The following DACH2 variants were observed in gnomAD, a reference collection of about 807,000 sequenced individuals.
The protein encoded by DACH2 is dachshund homolog 2.
Under a neutral mutation model 35.8 loss-of-function variants are expected in DACH2, and 17 were observed. That is an observed-to-expected ratio of 0.48 (90% CI 0.33 to 0.71). The LOEUF (loss-of-function observed/expected upper bound fraction) is 0.71, where lower values mean the gene tolerates loss of function less well. Among genes scored for constraint, DACH2 ranks in the 30% least tolerant of loss-of-function variants. The pLI is 0.02. For synonymous variants in DACH2, 195 were observed against 177.3 expected (o/e 1.10, Z -0.79); for missense variants, 469 against 472.7 (o/e 0.99, Z 0.07).
rs764421310 is a variant in DACH2, at chrX:86,514,462, A to G, written c.640+71A>G. The G allele has an allele frequency of 1.4e-4, 126 of 933,153 alleles. No homozygotes were observed. In the East Asian group the frequency reaches 2.8e-3, roughly 20 times the overall value. 76.9% of individuals were successfully genotyped at this position (933,153 alleles called of 1,213,427 possible). On this transcript the variant is annotated intron_variant, in intron 3 of 11. Transcript: ENST00000373125. ...CAGCATTTGAAATAAACCAATATTG[A>G]TCTAACTGCCTTGTCCTTCAGAGCT...
chrX:86,820,863 A>T (rs1312933667), intron 11 of DACH2, among the ~76,000 whole-genome samples: 1 of 110,429 alleles, frequency 9.1e-6, no homozygotes. Flanking sequence ...CTAACCTAAA[A>T]CAACATTCCT....
chrX:86,572,042 A>G (rs368251133), intron 3 of DACH2, among the ~76,000 whole-genome samples: 7 of 111,035 alleles, frequency 6.3e-5, no homozygotes, highest in South Asian at 3.8e-4. Flanking sequence ...TCAAAGTTCA[A>G]TGAGAACACT....
intron 6 of DACH2, among the ~76,000 whole-genome samples, chrX:86,731,499 A>C (rs1402159532): frequency 8.9e-6 from 1 of 111,901 alleles, no homozygotes. Context: ...TTTACTTTTC[A>C]ATACCTTCAA....
chrX:86,528,131 A>G (rs914011488), intron 3 of DACH2, among the ~76,000 whole-genome samples: 11 of 111,823 alleles, frequency 9.8e-5, no homozygotes, highest in African/African-American at 3.6e-4. Flanking sequence ...AAAAGGAACT[A>G]AAAGAGCAAG....
intron 7 of DACH2, among the ~76,000 whole-genome samples, chrX:86,755,701 C>G (rs1170648864): frequency 1.9e-5 from 2 of 105,760 alleles, no homozygotes; most frequent in African/African-American, 3.5e-5. Flanking sequence ...AGGTTCACAC[C>G]ATTCTCCTGC....
At chrX:86,550,037 T>C (rs1039083084) in intron 3 of DACH2, among the ~76,000 whole-genome samples, 36 of 111,627 alleles carry the variant, frequency 3.2e-4, no homozygotes, top group African/African-American at 1.2e-3. Flanking sequence ...GTAAAGATAA[T>C]TGCAGTAATC....
intron 1 of DACH2, among the ~76,000 whole-genome samples, chrX:86,169,488 C>T (rs1446272475): frequency 9.0e-5 from 10 of 111,180 alleles, no homozygotes; most frequent in African/African-American, 1.3e-4. Context: ...ACACTTATCT[C>T]TACCCCTGTC....
intron 5 of DACH2, among the ~76,000 whole-genome samples, chrX:86,709,148 A>G (rs2041251454): frequency 8.9e-6 from 1 of 111,853 alleles, no homozygotes; most frequent in Non-Finnish European, 1.9e-5. Context: ...ATACTTCATT[A>G]TTTACTGTAA....
intron 3 of DACH2, among the ~76,000 whole-genome samples, chrX:86,592,310 C>G (rs1444342896): frequency 8.9e-6 from 1 of 111,756 alleles, no homozygotes; most frequent in East Asian, 2.8e-4. Flanking sequence ...TGCAGTTTGT[C>G]AAAGTTGACT....
chrX:86,714,408 A>T, intron 5 of DACH2, 140 bp from the exon 6 acceptor site: 1 of 366,691 alleles, frequency 2.7e-6, no homozygotes, highest in Non-Finnish European at 4.7e-6. Context: ...TAACACAGGT[A>T]CTATTAATGG....
Position 86,534,393 on chromosome X carries a change from G to A in DACH2, c.640+20002G>A, listed in dbSNP as rs1392374183. ...ATTATTTTTGAATTGTATCATGTAT[G>A]TTGGATGACAAGATGACACACAAAT... On this transcript the variant is annotated intron_variant, in intron 3 of 11. Transcript: ENST00000373125. Among the ~76,000 whole-genome samples, 7 of 112,280 alleles carry A rather than the reference G, an allele frequency of 6.2e-5. No homozygotes were observed. In the Admixed American group the frequency reaches 6.6e-4, roughly 11 times the overall value.
Position 86,561,901 on chromosome X carries a change from T to TA in DACH2, c.640+47529dup, listed in dbSNP as rs60538249. 1.1e-3 allele frequency among the ~76,000 whole-genome samples: 74 copies of TA among 65,045 alleles called. 1 individual carries two copies. The highest frequency in any genetic ancestry group is 2.1e-3 in the African/African-American group (34 of 15,848). 56.5% of individuals were successfully genotyped at this position (65,045 alleles called of 115,157 possible). ...TGTACCCTAAAACTTAAAGTAGAAT[T>TA]AAAAAAAAAAAAAAAAAAAGAGAAT... On this transcript the variant is annotated intron_variant, in intron 3 of 11. Coordinates refer to ENST00000373125, the MANE Select transcript of DACH2 (RefSeq NM_053281.3).
intron 1 of DACH2, among the ~76,000 whole-genome samples, chrX:86,228,585 G>A (rs759059562): frequency 9.0e-6 from 1 of 111,288 alleles, no homozygotes; most frequent in East Asian, 2.8e-4. Flanking sequence ...CACCAGCAGT[G>A]TAGAAGTGTT....
chrX:86,510,672 A>G (rs1049182943), intron 2 of DACH2, among the ~76,000 whole-genome samples: 1 of 111,308 alleles, frequency 9.0e-6, no homozygotes, highest in African/African-American at 3.3e-5. Flanking sequence ...TGTGAATTCT[A>G]TAAAGCTGAA....
At chrX:86,697,397 G>C (rs1463745379) in intron 5 of DACH2, among the ~76,000 whole-genome samples, 1 of 110,828 alleles carries the variant, frequency 9.0e-6, no homozygotes, top group East Asian at 2.9e-4. Context: ...CTCCCAGCCA[G>C]ATCAGCATAA....
intron 4 of DACH2, among the ~76,000 whole-genome samples, chrX:86,685,342 A>G (rs767350802): frequency 8.9e-6 from 1 of 112,095 alleles, no homozygotes; most frequent in Non-Finnish European, 1.9e-5. Flanking sequence ...TGAGTGGTGA[A>G]GGCATCAGTG....
At chrX:86,190,691 TC>T (rs1569296616) in intron 1 of DACH2, among the ~76,000 whole-genome samples, 1 of 112,173 alleles carries the variant, frequency 8.9e-6, no homozygotes, top group Non-Finnish European at 1.9e-5. Context: ...ACGCCTGTAA[TC>T]CCAGCACTTT....
In DACH2 at chrX:86,444,118, C is replaced by T. The variant is rs780185474; in HGVS notation, c.527+67256C>T. Among the ~76,000 whole-genome samples the T allele has an allele frequency of 1.9e-3, 207 of 111,330 alleles. 1 individual carries two copies. The highest frequency in any genetic ancestry group is 6.5e-3 in the African/African-American group (198 of 30,657). On this transcript the variant is annotated intron_variant, in intron 2 of 11. Coordinates refer to ENST00000373125, the MANE Select transcript of DACH2 (RefSeq NM_053281.3). ...TATTTTATTTTTTATTAAGATAAGG[C>T]CTTGCCCTGTCACCCAGGCTGGAAT...
At chrX:86,223,135 C>T (rs2032751269) in intron 1 of DACH2, among the ~76,000 whole-genome samples, 1 of 111,531 alleles carries the variant, frequency 9.0e-6, no homozygotes, top group Admixed American at 9.5e-5. Flanking sequence ...TAATGTAAGT[C>T]ATGGATGAGT....
Sources: allele counts gnomAD v4.1 joint callset (sites outside exome capture counted in the v4.1 genomes callset), GRCh38; gene constraint gnomAD v4.1.1; transcripts MANE v1.5; gene names NCBI Gene and HGNC (gene_info 2026-07-23, HGNC 2026-07-21).